PCDH17: variants seen among roughly 807,000 people sequenced by gnomAD.
The protein encoded by PCDH17 is protocadherin 17, also known as protocadherin-17.
A neutral mutation model predicts 67.7 loss-of-function variants in PCDH17; 21 were observed. That is an observed-to-expected ratio of 0.31 (90% CI 0.22 to 0.45). The LOEUF is 0.45. Among genes scored for constraint, PCDH17 ranks in the 20% least tolerant of loss-of-function variants. The probability of loss-of-function intolerance (pLI) is 1.00; values close to 1 mark genes in which losing one functional copy is unlikely to be tolerated. For synonymous variants in PCDH17, 701 were observed against 656.7 expected (o/e 1.07, Z -1.03); for missense variants, 1,471 against 1,564.8 (o/e 0.94, Z 1.01).
chr13:57,702,312 T>C (rs931250109), intron 3 of PCDH17, among the ~76,000 whole-genome samples: 3 of 152,082 alleles, frequency 2.0e-5, no homozygotes, highest in African/African-American at 7.2e-5. Flanking sequence ...CTGAATTATA[T>C]TGTACTTTTC....
chr13:57,649,922 A>C (rs1393130624), intron 1 of PCDH17, among the ~76,000 whole-genome samples: 1 of 152,112 alleles, frequency 6.6e-6, no homozygotes, highest in Non-Finnish European at 1.5e-5. Context: ...ACCTTCAGAG[A>C]GAGGAATACC....
chr13:57,653,852 C>T (rs1164693759), intron 1 of PCDH17, among the ~76,000 whole-genome samples: 1 of 151,970 alleles, frequency 6.6e-6, no homozygotes, highest in Non-Finnish European at 1.5e-5. Context: ...TTCAGGTGTT[C>T]CCATGGCGGT....
At chr13:57,699,283 G>C (rs1179470280) in intron 3 of PCDH17, among the ~76,000 whole-genome samples, 1 of 151,638 alleles carries the variant, frequency 6.6e-6, no homozygotes, top group Non-Finnish European at 1.5e-5. Flanking sequence ...TCATATCTTT[G>C]TTTTTATATC....
intron 3 of PCDH17, among the ~76,000 whole-genome samples, chr13:57,681,965 C>T (rs1955455000): frequency 6.6e-6 from 1 of 151,802 alleles, no homozygotes; most frequent in South Asian, 2.1e-4. Flanking sequence ...GTACAAAACT[C>T]TGTAGTCCAT....
intron 1 of PCDH17, among the ~76,000 whole-genome samples, chr13:57,644,512 G>T (rs183415401): frequency 6.6e-6 from 1 of 150,888 alleles, no homozygotes; most frequent in East Asian, 2.0e-4. Flanking sequence ...GTTACCACCT[G>T]TGGCTATTTC....
At chr13:57,724,204 C>A (rs1955893900) in intron 3 of PCDH17, among the ~76,000 whole-genome samples, 2 of 152,166 alleles carry the variant, frequency 1.3e-5, no homozygotes, top group Non-Finnish European at 2.9e-5. Context: ...AGTTTGCAAT[C>A]CAGTTTTTGC....
intron 3 of PCDH17, among the ~76,000 whole-genome samples, chr13:57,713,985 A>G (rs1955798569): frequency 6.6e-6 from 1 of 151,658 alleles, no homozygotes; most frequent in South Asian, 2.1e-4. Context: ...TTAAGTTAAC[A>G]AAGGAAACTT....
chr13:57,690,329 T>C (rs9591826), intron 3 of PCDH17, among the ~76,000 whole-genome samples: 47,995 of 151,368 alleles, frequency 0.32, 8,221 homozygotes, highest in East Asian at 0.54. Flanking sequence ...AACACATCTC[T>C]AAAAGTGGCA....
rs1482159794 is a variant in PCDH17, at chr13:57,632,728, C to G, written c.182C>G (p.Ser61Trp). 1 of 1,611,900 alleles carries G rather than the reference C, an allele frequency of 6.2e-7. No individual in the cohort carries two copies. The highest frequency in any genetic ancestry group is 2.2e-5 in the East Asian group (1 of 44,838). The change falls in exon 1 of 4, where the codon TCG becomes TGG. Residue 61 changes from serine to tryptophan, a missense_variant. Ser to Trp is a radical substitution (Grantham distance 177). Transcript: ENST00000377918. ...AERGGGGRSKSGSYRVLENSA... is the reference protein window; with the variant it reads ...AERGGGGRSKWGSYRVLENSA... ...CGCGGCGGCGGAGGGCGCAGCAAGT[C>G]GGGTAGCTACCGGGTGCTGGAGAAC...
chr13:57,686,427 G>A (rs915660294), intron 3 of PCDH17, among the ~76,000 whole-genome samples: 2 of 151,968 alleles, frequency 1.3e-5, no homozygotes, highest in African/African-American at 4.8e-5. Flanking sequence ...CATAATTAAT[G>A]CAGTAATTTA....
chr13:57,671,997 T>G (rs1229565875), intron 3 of PCDH17, among the ~76,000 whole-genome samples: 1 of 152,070 alleles, frequency 6.6e-6, no homozygotes, highest in Non-Finnish European at 1.5e-5. Flanking sequence ...GTTTTCTATT[T>G]AATTCTATGG....
chr13:57,713,345 G>T (rs909042655), intron 3 of PCDH17, among the ~76,000 whole-genome samples: 5 of 151,690 alleles, frequency 3.3e-5, no homozygotes, highest in Non-Finnish European at 5.9e-5. Context: ...TGAACCAATT[G>T]TAGAGGATAA....
intron 3 of PCDH17, among the ~76,000 whole-genome samples, chr13:57,699,430 A>G (rs966254921): frequency 1.1e-4 from 16 of 152,064 alleles, no homozygotes; most frequent in Non-Finnish European, 4.4e-5. Flanking sequence ...GAATTCTTTC[A>G]TCAAATTTGC....
chr13:57,662,265 A>G (rs1955192975), intron 1 of PCDH17, among the ~76,000 whole-genome samples: 1 of 152,178 alleles, frequency 6.6e-6, no homozygotes, highest in African/African-American at 2.4e-5. Flanking sequence ...CCTATCACAT[A>G]TTAATTTAAG....
chr13:57,639,537 T>A (rs998802610), intron 1 of PCDH17, among the ~76,000 whole-genome samples: 3 of 151,930 alleles, frequency 2.0e-5, no homozygotes, highest in African/African-American at 7.2e-5. Context: ...ATATAACTCT[T>A]TGTAATGTAT....
intron 3 of PCDH17, among the ~76,000 whole-genome samples, chr13:57,716,490 G>A (rs748224502): frequency 3.3e-5 from 5 of 151,846 alleles, no homozygotes; most frequent in South Asian, 2.1e-4. Flanking sequence ...TACCTGGAGC[G>A]CCCTCTCTCT....
chr13:57,719,345 G>A (rs1308082653), intron 3 of PCDH17, among the ~76,000 whole-genome samples: 1 of 151,882 alleles, frequency 6.6e-6, no homozygotes, highest in African/African-American at 2.4e-5. Context: ...TTTTTGAAAT[G>A]TCCTTTTCCC....
rs763499538 is a variant in PCDH17, at chr13:57,634,809, G to A, written c.2263G>A (p.Gly755Ser). 40 of 1,613,976 alleles carry A rather than the reference G, an allele frequency of 2.5e-5. No homozygotes were observed. Among genetic ancestry groups the A allele is most frequent in the Non-Finnish European group, 2.9e-5 (34 of 1,180,042 alleles). ...AEYSHPQLGGGKGKKKKINKN... is the reference protein window; with the variant it reads ...AEYSHPQLGGSKGKKKKINKN... ...GTACAGCCACCCGCAGCTGGGTGGG[G>A]GCAAGGGCAAGAAGAAGAAGATCAA... Residue 755 changes from glycine (G) to serine (S), a missense_variant, in exon 1 of 4, where the codon GGC (glycine) becomes AGC (serine). By Grantham distance (56) the Gly-to-Ser change is moderately conservative. Coordinates refer to ENST00000377918, the MANE Select transcript of PCDH17 (RefSeq NM_001040429.3). The surrounding 1 kb of genome is among the most constrained non-coding windows in gnomAD (Gnocchi z 7.8).
intron 3 of PCDH17, among the ~76,000 whole-genome samples, chr13:57,677,115 G>A (rs900262771): frequency 3.3e-5 from 5 of 151,780 alleles, no homozygotes; most frequent in Admixed American, 1.3e-4. Context: ...GACAGATACC[G>A]TTTCAAGTGC....
Sources: gnomAD v4.1 joint callset for allele counts (sites outside exome capture counted in the v4.1 genomes callset) on GRCh38, gnomAD v4.1.1 for gene constraint, Gnocchi (gnomAD v3.1) non-coding constraint, MANE v1.5 for transcripts, NCBI Gene and HGNC (gene_info 2026-07-23, HGNC 2026-07-21) for gene names.